Variants in IQCH observed in about 807,000 individuals in gnomAD.
IQCH encodes IQ motif containing H, also known as IQ domain-containing protein H.
A neutral mutation model predicts 117.0 loss-of-function variants in IQCH; 98 were observed. The ratio of observed to expected loss-of-function variants is 0.84; its 90% CI spans 0.71 to 0.99. IQCH has a LOEUF of 0.99. IQCH is among the 50% of genes least tolerant of loss of function. IQCH has a pLI of 0.00. For synonymous variants in IQCH, 412 were observed against 448.2 expected, an observed-to-expected ratio of 0.92 and a Z score of 1.02; for missense variants, 1,102 against 1,243.8, an observed-to-expected ratio of 0.89 and a Z score of 1.72.
chr15:67,379,702 TC>T (rs1165375444), intron 10 of IQCH, among the ~76,000 whole-genome samples: 2 of 151,992 alleles, frequency 1.3e-5, no homozygotes, highest in South Asian at 2.1e-4. Flanking sequence ...GTGTGGCACT[TC>T]CCCCCTCATT....
intron 16 of IQCH, among the ~76,000 whole-genome samples, chr15:67,435,517 G>A (rs2082116541): frequency 6.6e-6 from 1 of 152,062 alleles, no homozygotes; most frequent in Non-Finnish European, 1.5e-5. Flanking sequence ...CAGGGAGGCA[G>A]AGGTTGCAGT....
intron 4 of IQCH, among the ~76,000 whole-genome samples, chr15:67,312,163 T>G (rs568721211): frequency 6.6e-6 from 1 of 152,290 alleles, no homozygotes; most frequent in East Asian, 1.9e-4. Flanking sequence ...CACAGAGACC[T>G]GTGTCACATC....
Position 67,364,012 on chromosome 15 carries a change from A to G in IQCH, c.753+4127A>G, listed in dbSNP as rs1405470965. Among the ~76,000 whole-genome samples the G allele has an allele frequency of 2.6e-5, 4 of 152,328 alleles. No homozygotes were observed. The South Asian group carries it at 8.3e-4, about 32-fold the overall frequency. ...TGCTATTGTGAATAGTGCTGCAGTG[A>G]ACATAACACATGCATGTGTCTTTAT... On this transcript the variant is annotated intron_variant, in intron 8 of 20. Coordinates refer to ENST00000335894, the MANE Select transcript of IQCH (RefSeq NM_001031715.3). This position sits in a 1 kb window ranked among gnomAD's most constrained non-coding sequence, Gnocchi z 4.1.
At chr15:67,489,022 T>C (rs886481587) in intron 18 of IQCH, among the ~76,000 whole-genome samples, 1 of 151,818 alleles carries the variant, frequency 6.6e-6, no homozygotes, top group Admixed American at 6.6e-5. Context: ...ATTGCTACCA[T>C]ATATACATAT....
Position 67,490,102 on chromosome 15 carries a change from AGGAAAT to A in IQCH, c.2861+39_2861+44del, listed in dbSNP as rs10574862. The A allele has an allele frequency of 0.87, 1,211,634 of 1,399,652 alleles. 525,599 individuals carry two copies. Among genetic ancestry groups the A allele is most frequent in the Non-Finnish European group, 0.88 (868,106 of 987,820 alleles). 86.7% of individuals were successfully genotyped at this position (1,399,652 alleles called of 1,614,324 possible). On this transcript the variant is annotated intron_variant, in intron 19 of 20. Transcript: ENST00000335894. The surrounding 1 kb of genome is among the most constrained non-coding windows in gnomAD (Gnocchi z 4.9). Reference sequence around the variant, plus strand: ...TGTATCTGTGAGTTGCAATAAGCTAAGGAAATAGACAATCACAACTAACAAGAATGA... The same window carrying A: ...TGTATCTGTGAGTTGCAATAAGCTAAAGACAATCACAACTAACAAGAATGA...
At chr15:67,396,415 C>T (rs1030898398) in intron 13 of IQCH, among the ~76,000 whole-genome samples, 3 of 151,320 alleles carry the variant, frequency 2.0e-5, no homozygotes, top group African/African-American at 7.2e-5. Context: ...TGTCTGTTTT[C>T]GTTTTGCCTT....
chr15:67,363,518 T>G (rs1229060848), intron 8 of IQCH, among the ~76,000 whole-genome samples: 1 of 152,164 alleles, frequency 6.6e-6, no homozygotes, highest in African/African-American at 2.4e-5. Context: ...AGTGCTGGGA[T>G]TACAGGCGTG....
Position 67,436,275 on chromosome 15 carries a change from T to G in IQCH, c.2505+14698T>G, listed in dbSNP as rs2082134331. 6.6e-6 allele frequency among the ~76,000 whole-genome samples: 1 copy of G among 152,138 alleles called. No individual in the cohort carries two copies. Among genetic ancestry groups the G allele is most frequent in the African/African-American group, 2.4e-5 (1 of 41,428 alleles). On this transcript the variant is annotated intron_variant, in intron 16 of 20. Transcript: ENST00000335894. The surrounding 1 kb of genome is among the most constrained non-coding windows in gnomAD (Gnocchi z 5.1). ...CTGCGGAAGTAGGAAAGGGAGACCC[T>G]CCTCTCTCAAACACACACCCCCGCA...
chr15:67,297,787 TTGAG>T (rs1966864501), intron 4 of IQCH, among the ~76,000 whole-genome samples: 1 of 152,280 alleles, frequency 6.6e-6, no homozygotes, highest in Admixed American at 6.5e-5. Context: ...TAAAGATTTC[TTGAG>T]TAATACCCTA....
At position 67,432,016 on chromosome 15, in the gene IQCH, G is replaced by A. The variant is rs1417194783; in HGVS notation, c.2505+10439G>A. Among the ~76,000 whole-genome samples, 2 of 152,116 alleles carry A rather than the reference G, an allele frequency of 1.3e-5. No individual in the cohort carries two copies. Among genetic ancestry groups the A allele is most frequent in the Non-Finnish European group, 2.9e-5 (2 of 68,028 alleles). On this transcript the variant is annotated intron_variant, in intron 16 of 20. Coordinates refer to ENST00000335894, the MANE Select transcript of IQCH (RefSeq NM_001031715.3). The surrounding 1 kb of genome is among the most constrained non-coding windows in gnomAD (Gnocchi z 5.0). ...GATCTCGCCACTGCACTCCAGCCTGGATGACAGAGCAAGACCCTGTCTCAA... is the reference window on the plus strand; with the variant it reads ...GATCTCGCCACTGCACTCCAGCCTGAATGACAGAGCAAGACCCTGTCTCAA...
Position 67,427,424 on chromosome 15 carries a change from C to T in IQCH, c.2505+5847C>T, listed in dbSNP as rs771619188. 5.9e-5 allele frequency among the ~76,000 whole-genome samples: 9 copies of T among 152,056 alleles called. No homozygotes were observed. The highest frequency in any genetic ancestry group is 1.0e-4 in the Non-Finnish European group (7 of 68,022). On this transcript the variant is annotated intron_variant, in intron 16 of 20. Coordinates refer to ENST00000335894, the MANE Select transcript of IQCH (RefSeq NM_001031715.3). The surrounding 1 kb of genome is among the most constrained non-coding windows in gnomAD (Gnocchi z 4.7). Reference sequence around the variant, plus strand: ...AGAGATAGGGTCTCACTATGTTGCCCAGGCTGGTTTTGAACTCCTGGCCTT... The same window carrying T: ...AGAGATAGGGTCTCACTATGTTGCCTAGGCTGGTTTTGAACTCCTGGCCTT...
At chr15:67,300,818 A>G (rs964490760) in intron 4 of IQCH, among the ~76,000 whole-genome samples, 2 of 152,186 alleles carry the variant, frequency 1.3e-5, no homozygotes, top group Non-Finnish European at 2.9e-5. Context: ...TTAGCCTCCT[A>G]TATTCCAACC....
chr15:67,317,568 C>A (rs1337760627), intron 4 of IQCH, among the ~76,000 whole-genome samples: 1 of 152,122 alleles, frequency 6.6e-6, no homozygotes, highest in Admixed American at 6.5e-5. Flanking sequence ...TTTTCTCTTG[C>A]CTAGGCCATC....
intron 5 of IQCH, among the ~76,000 whole-genome samples, chr15:67,341,500 A>G (rs1475621183): frequency 2.0e-5 from 3 of 152,232 alleles, no homozygotes; most frequent in African/African-American, 7.2e-5. Context: ...TAAAATTAAA[A>G]TTAGAAAAAC....
intron 18 of IQCH, among the ~76,000 whole-genome samples, chr15:67,477,726 T>C (rs1184223270): frequency 2.0e-5 from 3 of 152,202 alleles, no homozygotes; most frequent in Non-Finnish European, 4.4e-5. Context: ...ATTTATTTAT[T>C]TTATTTTATT....
At chr15:67,306,949 C>T (rs998322189) in intron 4 of IQCH, 74 of 1,399,712 alleles carry the variant, frequency 5.3e-5, no homozygotes, top group Non-Finnish European at 6.2e-5. Context: ...GAAAATTTGA[C>T]TTTGATTTAT....
chr15:67,277,496 A>G (rs915560994), intron 3 of IQCH, among the ~76,000 whole-genome samples: 1 of 148,394 alleles, frequency 6.7e-6, no homozygotes, highest in Non-Finnish European at 1.5e-5. Context: ...ACTGTTTGCT[A>G]TTAATGTTGG....
chr15:67,374,266 A>C lies in IQCH; in HGVS notation c.1372+833A>C, dbSNP rs189721328. 9.4e-4 allele frequency: 143 copies of C among 152,362 alleles called. 1 individual carries two copies. The highest frequency in any genetic ancestry group is 3.2e-3 in the African/African-American group (132 of 41,568). 9.4% of individuals were successfully genotyped at this position (152,362 alleles called of 1,614,324 possible). A position where few individuals can be genotyped will look rare whatever the true frequency, so the allele number is the denominator to read the frequency against. On this transcript the variant is annotated intron_variant, in intron 10 of 20. Coordinates refer to ENST00000335894, the MANE Select transcript of IQCH (RefSeq NM_001031715.3). ...TGGTGAGGTCAGATTTCCTAAGCTG[A>C]CTTGGTAGAGTTTTGACAAGCAGCA...
intron 16 of IQCH, among the ~76,000 whole-genome samples, chr15:67,460,667 A>T (rs2082770252): frequency 6.6e-6 from 1 of 152,206 alleles, no homozygotes; most frequent in Non-Finnish European, 1.5e-5. Context: ...TAATCAGTCA[A>T]ACAACTGGCA....
Sources: gnomAD v4.1 joint callset for allele counts (sites outside exome capture counted in the v4.1 genomes callset) on GRCh38, gnomAD v4.1.1 for gene constraint, Gnocchi (gnomAD v3.1) non-coding constraint, MANE v1.5 for transcripts, NCBI Gene and HGNC (gene_info 2026-07-23, HGNC 2026-07-21) for gene names.